Variants in SORCS3 observed in about 807,000 individuals in gnomAD.
SORCS3 encodes the protein sortilin related VPS10 domain containing receptor 3, also known as VPS10 domain-containing receptor SorCS3.
SORCS3 carries 57 observed loss-of-function variants against 146.3 expected under a neutral mutation model. That is an observed-to-expected ratio of 0.39 (90% CI 0.31 to 0.49). The LOEUF (loss-of-function observed/expected upper bound fraction) is 0.49, where lower values mean the gene tolerates loss of function less well. Ranked by LOEUF, SORCS3 falls within the 20% of genes least tolerant of loss-of-function variation. The pLI, the probability that SORCS3 is intolerant of heterozygous loss-of-function variation, is 0.92. For missense variants in SORCS3, 1,341 were observed against 1,575.5 expected (o/e 0.85, Z 2.52); for synonymous variants, 653 against 618.5 (o/e 1.06, Z -0.83).
intron 4 of SORCS3, among the ~76,000 whole-genome samples, chr10:104,984,361 G>T (rs377139682): frequency 9.4e-4 from 143 of 152,218 alleles, no homozygotes; most frequent in Middle Eastern, 3.4e-3. Context: ...CTTTCTGTAC[G>T]ATAATTATAA....
chr10:104,822,768 A>G (rs1337946582), intron 1 of SORCS3, among the ~76,000 whole-genome samples: 1 of 152,182 alleles, frequency 6.6e-6, no homozygotes, highest in Admixed American at 6.5e-5. Context: ...TTCCTGCTTG[A>G]ATGAATGGTC....
chr10:104,685,366 C>T (rs937113288), intron 1 of SORCS3, among the ~76,000 whole-genome samples: 2 of 152,128 alleles, frequency 1.3e-5, no homozygotes, highest in Non-Finnish European at 2.9e-5. Context: ...CACTGGAATC[C>T]TACAGTGGGC....
At chr10:105,099,920 C>T (rs762375273) in intron 6 of SORCS3, among the ~76,000 whole-genome samples, 3 of 152,184 alleles carry the variant, frequency 2.0e-5, no homozygotes, top group Non-Finnish European at 4.4e-5. Flanking sequence ...ATGTTCTCTG[C>T]TTCCTGGAAC....
intron 20 of SORCS3, among the ~76,000 whole-genome samples, chr10:105,234,707 C>A (rs1236617371): frequency 6.6e-6 from 1 of 151,812 alleles, no homozygotes; most frequent in Non-Finnish European, 1.5e-5. Context: ...TGATCCCTAG[C>A]ATTTCTTTTT....
At chr10:105,052,234 A>T (rs2055418216) in intron 5 of SORCS3, among the ~76,000 whole-genome samples, 1 of 152,164 alleles carries the variant, frequency 6.6e-6, no homozygotes, top group African/African-American at 2.4e-5. Flanking sequence ...TGTGTGCATT[A>T]AACATGGAAT....
At chr10:105,220,667 G>T (rs571176674) in intron 19 of SORCS3, among the ~76,000 whole-genome samples, 10 of 152,204 alleles carry the variant, frequency 6.6e-5, no homozygotes, top group African/African-American at 2.4e-4. Context: ...ATTTGAATCT[G>T]GGCATGGAGA....
At chr10:104,903,767 A>G (rs2018876478) in intron 2 of SORCS3, among the ~76,000 whole-genome samples, 1 of 152,190 alleles carries the variant, frequency 6.6e-6, no homozygotes, top group Non-Finnish European at 1.5e-5. Flanking sequence ...ATGAGTGTAC[A>G]GTGGAGTTTA....
At chr10:104,875,785 A>C (rs2018565448) in intron 2 of SORCS3, among the ~76,000 whole-genome samples, 1 of 152,148 alleles carries the variant, frequency 6.6e-6, no homozygotes. Flanking sequence ...TAAAACCTGC[A>C]TGCCTGTCTG....
In SORCS3 at chr10:104,721,750, G is replaced by A. The variant is rs570151840; in HGVS notation, c.627+79796G>A. On this transcript the variant is annotated intron_variant, in intron 1 of 26. Coordinates refer to ENST00000369701, the MANE Select transcript of SORCS3 (RefSeq NM_014978.3). Reference sequence around the variant, plus strand: ...TCCTCTTTGAAGCAATTGTGAATGGGAGTTCACTCATGATTTGGCTCTCTG... The same window carrying A: ...TCCTCTTTGAAGCAATTGTGAATGGAAGTTCACTCATGATTTGGCTCTCTG... Among the ~76,000 whole-genome samples the A allele has an allele frequency of 7.2e-5, 11 of 152,004 alleles. No individual in the cohort carries two copies. The East Asian group carries it at 2.1e-3, about 29-fold the overall frequency.
At chr10:105,260,172 G>A (rs1379735890) in intron 25 of SORCS3, among the ~76,000 whole-genome samples, 1 of 152,128 alleles carries the variant, frequency 6.6e-6, no homozygotes, top group Non-Finnish European at 1.5e-5. Context: ...ATCTCTATAA[G>A]GGCAAGTTTA....
At chr10:104,864,987 C>T (rs193270313) in intron 2 of SORCS3, among the ~76,000 whole-genome samples, 21 of 152,292 alleles carry the variant, frequency 1.4e-4, no homozygotes, top group African/African-American at 4.6e-4. Context: ...TGTTACCTGG[C>T]CATCCTATCT....
At chr10:104,724,072 A>G (rs1195137532) in intron 1 of SORCS3, among the ~76,000 whole-genome samples, 1 of 152,046 alleles carries the variant, frequency 6.6e-6, no homozygotes, top group East Asian at 1.9e-4. Context: ...TCCTAGCCTC[A>G]ATGGTCTTTA....
chr10:105,082,590 G>T (rs1025286958), intron 5 of SORCS3, among the ~76,000 whole-genome samples: 4 of 152,266 alleles, frequency 2.6e-5, no homozygotes, highest in Non-Finnish European at 5.9e-5. Context: ...GTGATGAAGA[G>T]TTTACACAGA....
At chr10:105,119,377 A>G (rs7070783) in intron 7 of SORCS3, among the ~76,000 whole-genome samples, 73,362 of 151,726 alleles carry the variant, frequency 0.48, 18,235 homozygotes, top group Non-Finnish European at 0.54. Flanking sequence ...CTCTGCTAGG[A>G]TAGTGAGGAA....
chr10:104,733,312 T>C (rs1156500413), intron 1 of SORCS3, among the ~76,000 whole-genome samples: 3 of 152,096 alleles, frequency 2.0e-5, no homozygotes, highest in African/African-American at 7.2e-5. Flanking sequence ...TTCTGTGATT[T>C]CTTCATTTGT....
chr10:104,907,054 G>T, intron 2 of SORCS3, among the ~76,000 whole-genome samples: 1 of 151,720 alleles, frequency 6.6e-6, no homozygotes, highest in South Asian at 2.1e-4. Flanking sequence ...AATATATTTA[G>T]TATTATGTCT....
rs1007203085 is a variant in SORCS3 at position 104,686,182 on chromosome 10, G to T, written c.627+44228G>T. ...GCGGTGGGAGAAGGTCAGGTTGGAG[G>T]GTATGGCCTGTTCTTTGGAAGTGAG... On this transcript the variant is annotated intron_variant, in intron 1 of 26. Coordinates refer to ENST00000369701, the MANE Select transcript of SORCS3 (RefSeq NM_014978.3). Among the ~76,000 whole-genome samples, 27 of 152,256 alleles carry T rather than the reference G, an allele frequency of 1.8e-4. 1 individual carries two copies. The highest frequency in any genetic ancestry group is 6.3e-4 in the African/African-American group (26 of 41,550).
chr10:104,642,242 C>T (rs1323451536), intron 1 of SORCS3, among the ~76,000 whole-genome samples: 1 of 152,184 alleles, frequency 6.6e-6, no homozygotes, highest in Non-Finnish European at 1.5e-5. Flanking sequence ...TCTGTGCTCA[C>T]TTTCTCCAAT....
In SORCS3 at chr10:105,142,948, C is replaced by T. The variant is rs925642761; in HGVS notation, c.1302+3462C>T. ...TAACCTTTTGTTTCCTTAGTTTTTA[C>T]ATTTCCCCAAATACTGATTTATCCT... On this transcript the variant is annotated intron_variant, in intron 8 of 26. Transcript: ENST00000369701. 2.0e-5 allele frequency among the ~76,000 whole-genome samples: 3 copies of T among 152,210 alleles called. No individual in the cohort carries two copies. In the East Asian group the frequency reaches 5.8e-4, roughly 29 times the overall value.
Sources: allele counts gnomAD v4.1 joint callset (sites outside exome capture counted in the v4.1 genomes callset), GRCh38; gene constraint gnomAD v4.1.1; transcripts MANE v1.5; gene names NCBI Gene and HGNC (gene_info 2026-07-23, HGNC 2026-07-21).